Variants in TP53AIP1 observed in about 807,000 individuals in gnomAD.
TP53AIP1 encodes the protein p53-regulated apoptosis-inducing protein 1.
In TP53AIP1, 14 loss-of-function variants were observed where a neutral mutation model predicts 9.5. The observed-to-expected ratio is 1.47, with a 90% confidence interval of 0.97 to 2.30. The LOEUF is 2.30. TP53AIP1 is among the 30% of genes most tolerant of loss of function. The probability of loss-of-function intolerance (pLI) is 0.00; values close to 1 mark genes in which losing one functional copy is unlikely to be tolerated. For synonymous variants in TP53AIP1, 73 were observed against 61.2 expected (o/e 1.19, Z -0.90); for missense variants, 153 against 146.7 (o/e 1.04, Z -0.22).
At chr11:128,934,864 C>T (rs1474528374), downstream of TP53AIP1, 5 of 625,512 alleles carry the variant, frequency 8.0e-6, no homozygotes, top group Non-Finnish European at 1.4e-5. Context: ...AGGTCATGCC[C>T]ACTGGGGATC....
Position 128,939,012 on chromosome 11 carries a change from G to C in TP53AIP1, c.-76-1118C>G, listed in dbSNP as rs1043301986. 2.6e-5 allele frequency among the ~76,000 whole-genome samples: 4 copies of C among 152,258 alleles called. No homozygotes were observed. The South Asian group carries it at 8.3e-4, about 32-fold the overall frequency. On this transcript the variant is annotated intron_variant, in intron 1 of 3. Transcript: ENST00000531399. This position sits in a 1 kb window ranked among gnomAD's most constrained non-coding sequence, Gnocchi z 4.1. ...TTGGTACATGCTGGCCATGTGCGGT[G>C]ACCACGCTAAGTACTGTGCGTGTAC...
downstream of TP53AIP1, chr11:128,934,955 C>A (rs1944780776): frequency 1.4e-6 from 1 of 702,084 alleles, no homozygotes; most frequent in Non-Finnish European, 2.6e-6. Context: ...TGCTTTTCCC[C>A]CATTGGTTAA....
intron 1 of TP53AIP1, among the ~76,000 whole-genome samples, chr11:128,941,792 G>C (rs1944948733): frequency 6.6e-6 from 1 of 152,200 alleles, no homozygotes; most frequent in South Asian, 2.1e-4. Flanking sequence ...GGACCCAGTG[G>C]AAAGCCCACG....
At position 128,941,363 on chromosome 11, in the gene TP53AIP1, C is replaced by T. The variant is rs546001179; in HGVS notation, c.-77+1431G>A. On this transcript the variant is annotated intron_variant, in intron 1 of 3. Transcript: ENST00000531399. ...TTTTAAGGAAGACCTCCCTAACCTC[C>T]TCCCAGCTGGGTGGATCCCTCCCTC... Among the ~76,000 whole-genome samples, 48 of 152,180 alleles carry T rather than the reference C, an allele frequency of 3.2e-4. 1 individual carries two copies. The highest frequency in any genetic ancestry group is 6.2e-4 in the South Asian group (3 of 4,832).
At position 128,936,623 on chromosome 11, in the gene TP53AIP1, G is replaced by A. The variant is rs769751242; in HGVS notation, c.168C>T (p.Ala56=). The A allele has an allele frequency of 1.8e-5, 28 of 1,587,528 alleles. No homozygotes were observed. In the East Asian group the frequency reaches 5.8e-4, roughly 33 times the overall value. ...TTCCCCGGCACCCTCCGTGAACTTGGGCACCCAAAACTAAGGGATCTGAAA... is the reference window on the plus strand; with the variant it reads ...TTCCCCGGCACCCTCCGTGAACTTGAGCACCCAAAACTAAGGGATCTGAAA... ...GWVSDPLVLG[A]QVHGGCRGIE... Residue 56 remains alanine (A), a synonymous_variant, in exon 3 of 4, where the codon GCC becomes GCT. Coordinates refer to ENST00000531399, the MANE Select transcript of TP53AIP1 (RefSeq NM_022112.3).
rs919343321 is a variant in TP53AIP1, at chr11:128,936,162, C to A, written c.253+376G>T. 9 of 1,039,012 alleles carry A rather than the reference C, an allele frequency of 8.7e-6. No homozygotes were observed. In the African/African-American group the frequency reaches 1.5e-4, roughly 18 times the overall value. 64.4% of individuals were successfully genotyped at this position (1,039,012 alleles called of 1,614,324 possible). A position where few individuals can be genotyped will look rare whatever the true frequency, so the allele number is the denominator to read the frequency against. ...GTAGAGTCAGGATTTGAACCCAGACCCCGCAGCCTGGCTCCATGCTCTCAA... is the reference window on the plus strand; with the variant it reads ...GTAGAGTCAGGATTTGAACCCAGACACCGCAGCCTGGCTCCATGCTCTCAA... On this transcript the variant is annotated intron_variant, in intron 3 of 3. Coordinates refer to ENST00000531399, the MANE Select transcript of TP53AIP1 (RefSeq NM_022112.3).
In TP53AIP1 at chr11:128,937,315, G is replaced by A; in HGVS notation, c.141+363C>T. 4 of 1,370,364 alleles carry A rather than the reference G, an allele frequency of 2.9e-6. No homozygotes were observed. Among genetic ancestry groups the A allele is most frequent in the Non-Finnish European group, 3.8e-6 (4 of 1,065,264 alleles). 84.9% of individuals were successfully genotyped at this position (1,370,364 alleles called of 1,614,324 possible). The stretch of plus-strand genomic sequence containing the variant: ...GCACCCCAGCCTTCCCTCCCCATGC[G>A]CTCCACATGCGTCCTTTGTTCAGCC... On this transcript the variant is annotated intron_variant, in intron 2 of 3. Transcript: ENST00000531399. The surrounding 1 kb of genome is among the most constrained non-coding windows in gnomAD (Gnocchi z 4.8).
At position 128,936,599 on chromosome 11, in the gene TP53AIP1, T is replaced by C. The variant is rs1406280731; in HGVS notation, c.192A>G (p.Gly64=). ...CAGACGAGACTGACAGAGCTTCTAT[T>C]CCCCGGCACCCTCCGTGAACTTGGG... ...LGAQVHGGCR[G]IEALSVSSGS... is the part of the protein sequence containing the mutation. Residue 64 remains glycine (G), a synonymous_variant, in exon 3 of 4, where the codon GGA becomes GGG. Transcript: ENST00000531399. 3 of 1,588,946 alleles carry C rather than the reference T, an allele frequency of 1.9e-6. No individual in the cohort carries two copies. The highest frequency in any genetic ancestry group is 2.6e-6 in the Non-Finnish European group (3 of 1,175,736).
At chr11:128,936,116 T>C in intron 3 of TP53AIP1, 1 of 965,408 alleles carries the variant, frequency 1.0e-6, no homozygotes, top group Non-Finnish European at 1.3e-6. Context: ...GTCCTGCCCA[T>C]GTACACACAG....
rs1377210469 is a variant in TP53AIP1, at chr11:128,935,891, T to C, written c.254-179A>G. On this transcript the variant is annotated intron_variant, in intron 3 of 3. Coordinates refer to ENST00000531399, the MANE Select transcript of TP53AIP1 (RefSeq NM_022112.3). ...CTCCCAAGACAGGAAAAAAAATCTT[T>C]AGATTTCATAGATATCAAATGGGCC... 7 of 1,314,300 alleles carry C rather than the reference T, an allele frequency of 5.3e-6. No individual in the cohort carries two copies. In the Admixed American group the frequency reaches 1.4e-4, roughly 26 times the overall value. The allele number at this position is 1,314,300 out of a possible 1,614,324, so 81.4% of individuals were successfully genotyped here.
intron 3 of TP53AIP1, 32 bp from the exon 4 acceptor site, chr11:128,935,744 C>CA (rs773486370): frequency 1.3e-6 from 2 of 1,523,744 alleles, no homozygotes; most frequent in Non-Finnish European, 1.8e-6. Flanking sequence ...TTACTCTTTG[C>CA]AAAACGTATG....
At position 128,935,674 on chromosome 11, in the gene TP53AIP1, C is replaced by G. The variant is rs372730991; in HGVS notation, c.292G>C (p.Ala98Pro). The G allele has an allele frequency of 4.4e-6, 7 of 1,586,490 alleles. No individual in the cohort carries two copies. In the East Asian group the frequency reaches 1.6e-4, roughly 36 times the overall value. Residue 98 changes from alanine to proline, a missense_variant, in exon 4 of 4, where the codon GCC becomes CCC. By Grantham distance (27) the Ala-to-Pro change is conservative. Transcript: ENST00000531399. ...LGLSRPFLPG[A>P]TVLRDRPLGS... is the part of the protein sequence containing the mutation. ...AGTGGCCTGTCTCTAAGCACTGTGG[C>G]TCCAGGAAGGAAAGGCCTGGAGAGA...
At chr11:128,938,539 A>G (rs1472287915) in intron 1 of TP53AIP1, among the ~76,000 whole-genome samples, 2 of 152,104 alleles carry the variant, frequency 1.3e-5, no homozygotes, top group African/African-American at 4.8e-5. Flanking sequence ...TGTCTCCCAT[A>G]GTCCTGTGTC....
intron 1 of TP53AIP1, among the ~76,000 whole-genome samples, chr11:128,938,324 T>C (rs1012726392): frequency 2.6e-5 from 4 of 152,174 alleles, no homozygotes; most frequent in African/African-American, 9.7e-5. Flanking sequence ...CTTCTGTTAG[T>C]AAGCTCTCAG....
Position 128,939,965 on chromosome 11 carries a change from A to G in TP53AIP1, c.-76-2071T>C, listed in dbSNP as rs148993384. Among the ~76,000 whole-genome samples, 126 of 152,290 alleles carry G rather than the reference A, an allele frequency of 8.3e-4. No individual in the cohort carries two copies. The highest frequency in any genetic ancestry group is 2.9e-3 in the African/African-American group (122 of 41,558). On this transcript the variant is annotated intron_variant, in intron 1 of 3. Transcript: ENST00000531399. The surrounding 1 kb of genome is among the most constrained non-coding windows in gnomAD (Gnocchi z 4.1). ...TGCACACGGCCAGTGGTCCCGGGAT[A>G]TCCAGGGAGCCACTCAGAGGGGACA...
Position 128,936,533 on chromosome 11 carries a change from C to G in TP53AIP1, c.253+5G>C, listed in dbSNP as rs752732449. On this transcript the variant is annotated splice_donor_5th_base_variant and intron_variant, in intron 3 of 3. Coordinates refer to ENST00000531399, the MANE Select transcript of TP53AIP1 (RefSeq NM_022112.3). ...CCATGAATTCACTAAGTAATTATCACACACCTGTCAGGATCCAGACAGTTG... is the reference window on the plus strand; with the variant it reads ...CCATGAATTCACTAAGTAATTATCAGACACCTGTCAGGATCCAGACAGTTG... The G allele has an allele frequency of 1.9e-6, 3 of 1,558,502 alleles. No individual in the cohort carries two copies. Among genetic ancestry groups the G allele is most frequent in the East Asian group, 2.3e-5 (1 of 42,688 alleles).
At position 128,935,532 on chromosome 11, in the gene TP53AIP1, G is replaced by A. The variant is rs111703501; in HGVS notation, c.*59C>T. 7 of 1,392,790 alleles carry A rather than the reference G, an allele frequency of 5.0e-6. No homozygotes were observed. Among genetic ancestry groups the A allele is most frequent in the Non-Finnish European group, 6.7e-6 (7 of 1,040,704 alleles). 86.3% of individuals were successfully genotyped at this position (1,392,790 alleles called of 1,614,324 possible). On this transcript the variant is annotated 3_prime_UTR_variant, in exon 4 of 4. Transcript: ENST00000531399. Reference sequence around the variant, plus strand: ...GCTTTCTGTTTGTTTGTTTGTTTTTGTTTTGAGATGGAGTCTCTCTCTGTC... The same window carrying A: ...GCTTTCTGTTTGTTTGTTTGTTTTTATTTTGAGATGGAGTCTCTCTCTGTC...
rs754095970 is a variant in TP53AIP1, at chr11:128,936,654, G to C, written c.142-5C>G. Reference sequence around the variant, plus strand: ...CAAAACTAAGGGATCTGAAACCTGAGAGGAAATGGAAGCAGACTGTGAGGC... The same window carrying C: ...CAAAACTAAGGGATCTGAAACCTGACAGGAAATGGAAGCAGACTGTGAGGC... On this transcript the variant is annotated splice_polypyrimidine_tract_variant and splice_region_variant and intron_variant, in intron 2 of 3. Transcript: ENST00000531399. The C allele has an allele frequency of 1.8e-5, 28 of 1,575,294 alleles. No individual in the cohort carries two copies. In the Admixed American group the frequency reaches 4.9e-4, roughly 28 times the overall value.
At chr11:128,940,749 C>G (rs1360246412) in intron 1 of TP53AIP1, among the ~76,000 whole-genome samples, 1 of 152,212 alleles carries the variant, frequency 6.6e-6, no homozygotes. Flanking sequence ...ACAGTCCCCA[C>G]CCACACACTC....
Sources: gnomAD v4.1 joint callset for allele counts (sites outside exome capture counted in the v4.1 genomes callset) on GRCh38, gnomAD v4.1.1 for gene constraint, Gnocchi (gnomAD v3.1) non-coding constraint, MANE v1.5 for transcripts, NCBI Gene and HGNC (gene_info 2026-07-23, HGNC 2026-07-21) for gene names.